Variants in SLC39A11 observed in about 807,000 individuals in gnomAD.
The protein encoded by SLC39A11 is zinc transporter ZIP11.
Under a neutral mutation model 36.1 loss-of-function variants are expected in SLC39A11, and 33 were observed. The ratio of observed to expected loss-of-function variants is 0.91; its 90% CI spans 0.69 to 1.22. SLC39A11 has a LOEUF of 1.22. Ranked by LOEUF, SLC39A11 falls within the 50% of genes most tolerant of loss-of-function variation. The probability of loss-of-function intolerance (pLI) is 0.00; values close to 1 mark genes in which losing one functional copy is unlikely to be tolerated. For synonymous variants in SLC39A11, 166 were observed against 170.3 expected (o/e 0.97, Z 0.20); for missense variants, 432 against 430.3 (o/e 1.00, Z -0.03).
chr17:72,954,023 C>G (rs1001318462), intron 4 of SLC39A11, among the ~76,000 whole-genome samples: 1 of 152,130 alleles, frequency 6.6e-6, no homozygotes, highest in African/African-American at 2.4e-5. Context: ...CCATGAAGGG[C>G]AGTCTCTTCG....
chr17:72,674,984 G>A (rs58520430), intron 7 of SLC39A11, among the ~76,000 whole-genome samples: 29,506 of 99,968 alleles, frequency 0.3, 3,089 homozygotes, highest in Middle Eastern at 0.37. Flanking sequence ...GTGTGTGTGC[G>A]TATGTGTGTG....
chr17:72,924,138 C>G (rs1258677000), intron 5 of SLC39A11, among the ~76,000 whole-genome samples: 1 of 142,556 alleles, frequency 7.0e-6, no homozygotes, highest in East Asian at 2.0e-4. Flanking sequence ...AGAGTGAGAC[C>G]CCGTCTCAAA....
intron 3 of SLC39A11, among the ~76,000 whole-genome samples, chr17:73,052,036 A>G (rs959386066): frequency 3.3e-5 from 5 of 151,924 alleles, no homozygotes; most frequent in Admixed American, 6.6e-5. Flanking sequence ...CAGCTCCATC[A>G]AGTGGTCGTG....
At chr17:72,683,000 T>C (rs1434931325) in intron 7 of SLC39A11, among the ~76,000 whole-genome samples, 1 of 152,192 alleles carries the variant, frequency 6.6e-6, no homozygotes, top group Non-Finnish European at 1.5e-5. Context: ...CTTGCACCTC[T>C]TTTGAGTCCT....
chr17:72,689,247 G>A (rs1421829658), intron 7 of SLC39A11, among the ~76,000 whole-genome samples: 1 of 152,288 alleles, frequency 6.6e-6, no homozygotes. Context: ...TCTCACCTCC[G>A]CTCACTCTCC....
At chr17:73,087,954 C>T (rs1296755624) in intron 2 of SLC39A11, among the ~76,000 whole-genome samples, 4 of 152,162 alleles carry the variant, frequency 2.6e-5, no homozygotes, top group African/African-American at 9.7e-5. Flanking sequence ...GACAGTTACA[C>T]CTGAAATCTA....
chr17:72,948,691 C>T (rs2085614676), intron 4 of SLC39A11, among the ~76,000 whole-genome samples: 1 of 152,226 alleles, frequency 6.6e-6, no homozygotes, highest in East Asian at 1.9e-4. Flanking sequence ...TTTGTCCTAA[C>T]TAGTTAAGCA....
rs2074131569 is a variant in SLC39A11, at chr17:72,729,531, C to T, written c.671+7119G>A. The stretch of plus-strand genomic sequence containing the variant: ...CAGGCTGGTCTTGAACTCCTGGGCT[C>T]AAGCAACCCACCTATGTCAGCCTCC... On this transcript the variant is annotated intron_variant, in intron 7 of 9. Coordinates refer to ENST00000255559, the MANE Select transcript of SLC39A11 (RefSeq NM_139177.4). 3.0e-5 allele frequency among the ~76,000 whole-genome samples: 4 copies of T among 133,448 alleles called. No individual in the cohort carries two copies. In the Admixed American group the frequency reaches 3.2e-4, roughly 11 times the overall value. The allele number at this position is 133,448 out of a possible 152,430, so 87.5% of individuals were successfully genotyped here. A position where few individuals can be genotyped will look rare whatever the true frequency, so the allele number is the denominator to read the frequency against.
chr17:73,085,640 C>A (rs1481372354), intron 2 of SLC39A11, among the ~76,000 whole-genome samples: 6 of 98,694 alleles, frequency 6.1e-5, no homozygotes, highest in Non-Finnish European at 1.0e-4. Context: ...AAAACTCCGC[C>A]TCAAAAAAAA....
At chr17:73,084,877 C>A in intron 2 of SLC39A11, 31 bp from the exon 3 acceptor site, 2 of 1,611,994 alleles carry the variant, frequency 1.2e-6, no homozygotes, top group Non-Finnish European at 1.7e-6. Context: ...TTTCAGTTTC[C>A]AAGAGACAAT....
At chr17:72,698,919 T>C (rs558511255) in intron 7 of SLC39A11, among the ~76,000 whole-genome samples, 6 of 152,156 alleles carry the variant, frequency 3.9e-5, no homozygotes, top group South Asian at 2.1e-4. Context: ...CAAGCTCTGC[T>C]TCCTGGGTTC....
At chr17:72,820,099 C>T (rs1426169727) in intron 6 of SLC39A11, among the ~76,000 whole-genome samples, 1 of 151,314 alleles carries the variant, frequency 6.6e-6, no homozygotes, top group African/African-American at 2.4e-5. Flanking sequence ...TCTGTGACTT[C>T]CGTCAGTTTA....
At chr17:73,082,001 T>A (rs549343974) in intron 3 of SLC39A11, among the ~76,000 whole-genome samples, 1 of 150,940 alleles carries the variant, frequency 6.6e-6, no homozygotes, top group Non-Finnish European at 1.5e-5. Context: ...AGACTACATA[T>A]TGGGGACAGT....
chr17:72,709,655 G>GGAGA (rs1283528098), intron 7 of SLC39A11, among the ~76,000 whole-genome samples: 1 of 152,152 alleles, frequency 6.6e-6, no homozygotes, highest in South Asian at 2.1e-4. Context: ...AGAGAGACAG[G>GGAGA]GAGAGAGAGA....
intron 4 of SLC39A11, among the ~76,000 whole-genome samples, chr17:72,959,613 GC>G (rs773578890): frequency 7.2e-5 from 11 of 151,822 alleles, no homozygotes; most frequent in Non-Finnish European, 1.5e-4. Context: ...CAAACAGGGT[GC>G]TGTATACTGC....
intron 5 of SLC39A11, among the ~76,000 whole-genome samples, chr17:72,925,789 C>T (rs553921847): frequency 1.3e-5 from 2 of 152,346 alleles, no homozygotes; most frequent in African/African-American, 2.4e-5. Flanking sequence ...TCTTCCCCTC[C>T]ACCATGACAT....
At chr17:73,001,706 T>C (rs1284070063) in intron 4 of SLC39A11, among the ~76,000 whole-genome samples, 2 of 151,940 alleles carry the variant, frequency 1.3e-5, no homozygotes, top group African/African-American at 2.4e-5. Flanking sequence ...TGGAATGAGT[T>C]CAAGCCATAC....
At chr17:72,926,751 T>C (rs746925837) in intron 5 of SLC39A11, among the ~76,000 whole-genome samples, 8 of 152,066 alleles carry the variant, frequency 5.3e-5, no homozygotes, top group Non-Finnish European at 4.4e-5. Context: ...ACGTTTTAAT[T>C]AGTTGTTATC....
chr17:72,938,987 G>C (rs555616783), intron 5 of SLC39A11, among the ~76,000 whole-genome samples: 12 of 152,158 alleles, frequency 7.9e-5, no homozygotes, highest in African/African-American at 2.2e-4. Flanking sequence ...GCCAGGACTC[G>C]TCCTCTTGCT....
Sources: gnomAD v4.1 joint callset for allele counts (sites outside exome capture counted in the v4.1 genomes callset) on GRCh38, gnomAD v4.1.1 for gene constraint, MANE v1.5 for transcripts, NCBI Gene and HGNC (gene_info 2026-07-23, HGNC 2026-07-21) for gene names.